Variants in TTC23 observed in about 807,000 individuals in gnomAD.
TTC23 encodes the protein tetratricopeptide repeat protein 23.
In TTC23, 58 loss-of-function variants were observed where a neutral mutation model predicts 55.1. The ratio of observed to expected loss-of-function variants is 1.05; its 90% confidence interval spans 0.85 to 1.31. The LOEUF is 1.31. TTC23 is among the 50% of genes most tolerant of loss of function. The probability of loss-of-function intolerance (pLI) is 0.00; values close to 1 mark genes in which losing one functional copy is unlikely to be tolerated. For missense variants in TTC23, 516 were observed against 534.4 expected (o/e 0.97, Z 0.34); for synonymous variants, 203 against 199.9 (o/e 1.02, Z -0.13).
chr15:99,144,172 G>A (rs782219299), intron 12 of TTC23, among the ~76,000 whole-genome samples: 1 of 152,118 alleles, frequency 6.6e-6, no homozygotes, highest in Non-Finnish European at 1.5e-5. Flanking sequence ...AATTCTTTTT[G>A]ACATGACCTT....
chr15:99,242,239 C>T (rs577952575), intron 2 of TTC23, among the ~76,000 whole-genome samples: 13 of 151,076 alleles, frequency 8.6e-5, no homozygotes, highest in African/African-American at 2.4e-4. Context: ...TAAGCTAACG[C>T]ACTGGAAAAA....
rs1207043006 is a variant in TTC23, at chr15:99,145,018, T to G, written c.1144-5619A>C. 3.3e-5 allele frequency: 5 copies of G among 152,326 alleles called. No homozygotes were observed. In the South Asian group the frequency reaches 6.2e-4, roughly 19 times the overall value. 9.4% of individuals were successfully genotyped at this position (152,326 alleles called of 1,614,324 possible). On this transcript the variant is annotated intron_variant, in intron 12 of 13. Coordinates refer to ENST00000394132, the MANE Select transcript of TTC23 (RefSeq NM_001288615.3). ...TCAAGAAATACAAGTACGCTTTCAT[T>G]TACCAACCATTACAAGGCAGGCAGA...
At chr15:99,153,561 C>T (rs186427476) in intron 12 of TTC23, among the ~76,000 whole-genome samples, 1 of 152,186 alleles carries the variant, frequency 6.6e-6, no homozygotes, top group East Asian at 1.9e-4. Context: ...CCAGGTTTTC[C>T]CCATTTTGAA....
intron 12 of TTC23, chr15:99,140,078 A>AT (rs1567304494): frequency 1.0e-5 from 2 of 200,708 alleles, no homozygotes; most frequent in African/African-American, 2.4e-5. Context: ...AGACCCTTTT[A>AT]TTTTTTTAAA....
Position 99,214,550 on chromosome 15 carries a change from T to C in TTC23, c.581+4038A>G, listed in dbSNP as rs553713982. Among the ~76,000 whole-genome samples, 588 of 147,484 alleles carry C rather than the reference T, an allele frequency of 4.0e-3. 8 individuals are homozygous for C. The highest frequency in any genetic ancestry group is 5.8e-3 in the Non-Finnish European group (391 of 67,264). On this transcript the variant is annotated intron_variant, in intron 8 of 13. Transcript: ENST00000394132. ...AAGAGATCCTCCCACCTCAGTCTCC[T>C]GAGTAGCTAGGACTATAGGTGAGCA... is the stretch of plus-strand genomic sequence containing the variant.
chr15:99,205,494 A>C (rs185150653), intron 8 of TTC23, among the ~76,000 whole-genome samples: 5 of 151,300 alleles, frequency 3.3e-5, no homozygotes, highest in African/African-American at 1.2e-4. Context: ...CATTGTAGAG[A>C]TCTTTCACTT....
At chr15:99,244,429 G>A (rs1024187448) in intron 2 of TTC23, among the ~76,000 whole-genome samples, 2 of 151,928 alleles carry the variant, frequency 1.3e-5, no homozygotes, top group Non-Finnish European at 2.9e-5. Flanking sequence ...CCCCCAATTA[G>A]AACGACTAAA....
Position 99,218,612 on chromosome 15 carries a change from G to A in TTC23, c.557C>T (p.Ala186Val). ...CTGTGCAAATGATAATCTGATCCGTGCTTCAATTTCTATCCATTCTTCCTT... is the reference window on the plus strand; with the variant it reads ...CTGTGCAAATGATAATCTGATCCGTACTTCAATTTCTATCCATTCTTCCTT... ...IIKEEWIEIE[A>V]RIRLSFAQVY... The change falls in exon 8 of 14, where the codon GCA becomes GTA. Residue 186 changes from alanine (A) to valine (V), a missense_variant. By Grantham distance (64) the Ala-to-Val change is moderately conservative (BLOSUM62 0). Coordinates refer to ENST00000394132, the MANE Select transcript of TTC23 (RefSeq NM_001288615.3). 1 of 1,614,176 alleles carries A rather than the reference G, an allele frequency of 6.2e-7. No homozygotes were observed. The highest frequency in any genetic ancestry group is 8.5e-7 in the Non-Finnish European group (1 of 1,180,034).
chr15:99,174,280 T>C (rs1246796526), intron 10 of TTC23, among the ~76,000 whole-genome samples: 1 of 152,220 alleles, frequency 6.6e-6, no homozygotes. Context: ...TCCCATGTGC[T>C]GGCCTCATTT....
At chr15:99,164,156 G>T (rs2071741957) in intron 10 of TTC23, among the ~76,000 whole-genome samples, 2 of 152,240 alleles carry the variant, frequency 1.3e-5, no homozygotes, top group Admixed American at 6.5e-5. Context: ...AAAATCACAG[G>T]GCTCTAGCAC....
At chr15:99,152,552 A>G (rs2069943747) in intron 12 of TTC23, among the ~76,000 whole-genome samples, 1 of 152,088 alleles carries the variant, frequency 6.6e-6, no homozygotes, top group East Asian at 1.9e-4. Context: ...TTGTATTTTT[A>G]GTAGAGACGG....
At position 99,137,849 on chromosome 15, in the gene TTC23, ACGG is replaced by A; in HGVS notation, c.*158_*160del. On this transcript the variant is annotated 3_prime_UTR_variant, in exon 14 of 14. Coordinates refer to ENST00000394132, the MANE Select transcript of TTC23 (RefSeq NM_001288615.3). ...GGCATCCACTGTCAAAATGTGGCCC[ACGG>A]GAGGCTTATGGTCTCACTGTTGCAT... 1 of 1,159,402 alleles carries A rather than the reference ACGG, an allele frequency of 8.6e-7. No homozygotes were observed. The highest frequency in any genetic ancestry group is 1.5e-5 in the African/African-American group (1 of 64,938). 71.8% of individuals were successfully genotyped at this position (1,159,402 alleles called of 1,614,324 possible).
At chr15:99,235,439 C>T (rs772585408) in intron 3 of TTC23, among the ~76,000 whole-genome samples, 2 of 149,984 alleles carry the variant, frequency 1.3e-5, no homozygotes, top group Non-Finnish European at 3.0e-5. Flanking sequence ...GGCGCGATCT[C>T]GGCTCACTGC....
intron 10 of TTC23, among the ~76,000 whole-genome samples, chr15:99,162,496 G>A (rs193020836): frequency 5.9e-5 from 9 of 152,280 alleles, no homozygotes; most frequent in Middle Eastern, 3.4e-3. Flanking sequence ...AGAAGTGAGC[G>A]GGAGCTGAGG....
At chr15:99,141,858 T>TCTTAGTCATTTGACTAAGTCATTTGA (rs2068264935) in intron 12 of TTC23, among the ~76,000 whole-genome samples, 1 of 152,220 alleles carries the variant, frequency 6.6e-6, no homozygotes, top group Non-Finnish European at 1.5e-5. Context: ...ATTCACTATT[T>TCTTAGTCATTTGACTAAGTCATTTGA]CTTAGTCATT....
chr15:99,200,600 C>T (rs1275468484), intron 8 of TTC23, among the ~76,000 whole-genome samples: 2 of 152,156 alleles, frequency 1.3e-5, no homozygotes, highest in Non-Finnish European at 2.9e-5. Context: ...GGATGTGAAG[C>T]ACTCTCATCA....
intron 9 of TTC23, among the ~76,000 whole-genome samples, chr15:99,198,843 T>C (rs902944071): frequency 6.6e-6 from 1 of 152,266 alleles, no homozygotes; most frequent in Admixed American, 6.5e-5. Context: ...ACCTTGTCAC[T>C]GTATCTCACT....
chr15:99,137,782 T>C lies in TTC23; in HGVS notation c.*228A>G, dbSNP rs1341386578. ...ATTCTTGTTGGCAAGAAAAACCACT[T>C]AGGTGATAGAAAACTGCTTTATAGC... On this transcript the variant is annotated 3_prime_UTR_variant, in exon 14 of 14. Transcript: ENST00000394132. The C allele has an allele frequency of 3.3e-6, 2 of 612,548 alleles. No homozygotes were observed. Among genetic ancestry groups the C allele is most frequent in the Admixed American group, 6.3e-5 (2 of 31,902 alleles). The allele number at this position is 612,548 out of a possible 1,614,324, so 37.9% of individuals were successfully genotyped here.
In TTC23 at chr15:99,227,111, G is replaced by A. The variant is rs551310304; in HGVS notation, c.180+1422C>T. Among the ~76,000 whole-genome samples, 4 of 152,328 alleles carry A rather than the reference G, an allele frequency of 2.6e-5. No individual in the cohort carries two copies. In the South Asian group the frequency reaches 8.3e-4, roughly 32 times the overall value. On this transcript the variant is annotated intron_variant, in intron 5 of 13. Coordinates refer to ENST00000394132, the MANE Select transcript of TTC23 (RefSeq NM_001288615.3). ...GCCAGCCTAGAGCCTACAAATAGTA[G>A]GTTCTGAGTGAGTATCTGTTGCATA...
Sources: gnomAD v4.1 joint callset for allele counts (sites outside exome capture counted in the v4.1 genomes callset) on GRCh38, gnomAD v4.1.1 for gene constraint, MANE v1.5 for transcripts, NCBI Gene and HGNC (gene_info 2026-07-23, HGNC 2026-07-21) for gene names.